USP47: variants seen among roughly 807,000 people sequenced by gnomAD.
USP47 encodes ubiquitin specific peptidase 47, also known as ubiquitin carboxyl-terminal hydrolase 47.
In USP47, 35 loss-of-function variants were observed where a neutral mutation model predicts 165.1. That is an observed-to-expected ratio of 0.21 (90% CI 0.16 to 0.28). The LOEUF is 0.28. Among genes scored for constraint, USP47 ranks in the 10% least tolerant of loss-of-function variants. The pLI is 1.00. For synonymous variants in USP47, 531 were observed against 544.5 expected (o/e 0.98, Z 0.35); for missense variants, 1,277 against 1,607.4 (o/e 0.79, Z 3.52).
chr11:11,853,901 T>C (rs4910427), intron 1 of USP47, among the ~76,000 whole-genome samples: 119,068 of 151,876 alleles, frequency 0.78, 47,409 homozygotes, highest in African/African-American at 0.93. Flanking sequence ...CCGAGATGGG[T>C]GGATCACGAG....
rs1266363202 is a variant in USP47 at position 11,892,826 on chromosome 11, AAAAAAAAAG to A, written c.496+726_496+734del. Among the ~76,000 whole-genome samples the A allele has an allele frequency of 5.5e-3, 799 of 144,198 alleles. 10 individuals carry two copies. The highest frequency in any genetic ancestry group is 0.019 in the African/African-American group (760 of 39,038). 94.6% of individuals were successfully genotyped at this position (144,198 alleles called of 152,430 possible). ...TGAGACCCTGTCTCAAGTAAAAAAAAAAAAAAAAGAAAAAGAAAAAAAAAATTCAAGACT... is the reference window on the plus strand; with the variant it reads ...TGAGACCCTGTCTCAAGTAAAAAAAAAAAAAGAAAAAAAAAATTCAAGACT... On this transcript the variant is annotated intron_variant, in intron 4 of 27. Coordinates refer to ENST00000527733, the MANE Select transcript of USP47 (RefSeq NM_001282659.2).
intron 1 of USP47, among the ~76,000 whole-genome samples, chr11:11,845,633 G>A (rs577308043): frequency 1.3e-5 from 2 of 152,264 alleles, no homozygotes; most frequent in Admixed American, 1.3e-4. Flanking sequence ...TTAAGACAGT[G>A]TCTTTCCTGG....
chr11:11,942,287 G>A (rs760202127), intron 19 of USP47, 48 bp from the exon 20 acceptor site: 1 of 1,505,250 alleles, frequency 6.6e-7, no homozygotes, highest in East Asian at 2.3e-5. Flanking sequence ...TGATGAATGA[G>A]CATGTCACTA....
rs571167920 is a variant in USP47 at position 11,954,814 on chromosome 11, CTGTT to C, written c.3715-79_3715-76del. 5,533 of 1,478,032 alleles carry C rather than the reference CTGTT, an allele frequency of 3.7e-3. 17 individuals are homozygous for C. The highest frequency in any genetic ancestry group is 4.8e-3 in the Non-Finnish European group (5,163 of 1,086,108). The allele number at this position is 1,478,032 out of a possible 1,614,324, so 91.6% of individuals were successfully genotyped here. A position where few individuals can be genotyped will look rare whatever the true frequency, so the allele number is the denominator to read the frequency against. ...AAACATTTTTTAAACTGAGCTATTT[CTGTT>C]TGTGGGGTAAAAGGAAAATAACTTT... is the stretch of plus-strand genomic sequence containing the variant. On this transcript the variant is annotated intron_variant, in intron 25 of 27. Coordinates refer to ENST00000527733, the MANE Select transcript of USP47 (RefSeq NM_001282659.2).
At chr11:11,855,362 C>G (rs1384033738) in intron 1 of USP47, among the ~76,000 whole-genome samples, 1 of 152,158 alleles carries the variant, frequency 6.6e-6, no homozygotes, top group Non-Finnish European at 1.5e-5. Flanking sequence ...TGGTGTAGAA[C>G]TAGTTGACAT....
chr11:11,895,427 A>G (rs537265773), intron 4 of USP47, among the ~76,000 whole-genome samples: 1 of 152,340 alleles, frequency 6.6e-6, no homozygotes, highest in South Asian at 2.1e-4. Flanking sequence ...AAATTATTGT[A>G]TCAGATAAAA....
chr11:11,842,786 C>T (rs1381585549), intron 1 of USP47, among the ~76,000 whole-genome samples: 1 of 147,074 alleles, frequency 6.8e-6, no homozygotes, highest in African/African-American at 2.5e-5. Flanking sequence ...GTACATGGGA[C>T]ATTAATGTAA....
chr11:11,960,870 C>G lies in USP47; in HGVS notation c.*4695C>G, dbSNP rs1263242952. ...GAATACCTAATGCCTTTTTTCTCTT[C>G]CTGTCTTTGTCCCTCACACTACAGC... On this transcript the variant is annotated 3_prime_UTR_variant, in exon 28 of 28. Transcript: ENST00000527733. 6.6e-6 allele frequency among the ~76,000 whole-genome samples: 1 copy of G among 152,052 alleles called. No homozygotes were observed. Among genetic ancestry groups the G allele is most frequent in the African/African-American group, 2.4e-5 (1 of 41,398 alleles).
At chr11:11,952,714 T>C (rs2134887523) in intron 24 of USP47, 27 bp from the exon 25 acceptor site, 1 of 1,560,786 alleles carries the variant, frequency 6.4e-7, no homozygotes, top group Non-Finnish European at 8.7e-7. Flanking sequence ...GGAAATAGAA[T>C]GATGACCTAA....
intron 20 of USP47, among the ~76,000 whole-genome samples, chr11:11,946,326 A>G (rs1855836346): frequency 3.9e-5 from 6 of 152,236 alleles, no homozygotes; most frequent in Admixed American, 3.9e-4. Flanking sequence ...ATCAAATTCC[A>G]GAACCAGTTG....
At chr11:11,929,981 A>G (rs776352161) in intron 12 of USP47, 63 bp from the exon 13 acceptor site, 21 of 1,277,612 alleles carry the variant, frequency 1.6e-5, no homozygotes, top group Non-Finnish European at 2.4e-5. Flanking sequence ...ATTGAGTTAC[A>G]TATTGACGTT....
chr11:11,912,269 A>G (rs1430199420), intron 8 of USP47, among the ~76,000 whole-genome samples: 1 of 152,054 alleles, frequency 6.6e-6, no homozygotes, highest in African/African-American at 2.4e-5. Context: ...GAGGAAGTCA[A>G]CAAAACAAAG....
Position 11,929,550 on chromosome 11 carries a change from T to A in USP47, c.1503T>A (p.Asp501Glu). Residue 501 changes from aspartate to glutamate, a missense_variant, in exon 12 of 28, where the codon GAT becomes GAA. Transcript: ENST00000527733. ...ATGAGCAGTGGTACAGCTTCAATGA[T>A]CAACATGTCAGCAGGGTAAGGAGGT... Reference protein sequence around the residue: ...FSDEQWYSFNDQHVSRITQED... With the variant: ...FSDEQWYSFNEQHVSRITQED... The A allele has an allele frequency of 6.2e-7, 1 of 1,613,042 alleles. No individual in the cohort carries two copies. Among genetic ancestry groups the A allele is most frequent in the Non-Finnish European group, 8.5e-7 (1 of 1,179,260 alleles).
At chr11:11,850,541 G>A (rs1393522417) in intron 1 of USP47, among the ~76,000 whole-genome samples, 1 of 140,654 alleles carries the variant, frequency 7.1e-6, no homozygotes, top group Non-Finnish European at 1.6e-5. Flanking sequence ...TGTTTGCTTT[G>A]GTCTTTATCT....
chr11:11,884,575 C>A lies in USP47; in HGVS notation c.352C>A (p.Leu118Met). ...TDKDGEQPQI[L>M]LEDSSAGEDS... is the part of the protein sequence containing the mutation. The stretch of plus-strand genomic sequence containing the variant: ...TAAAGATGGTGAACAACCTCAAATA[C>A]TGCTGGTAAGCTACTTAGAAAGCCC... The change falls in exon 3 of 28, where the codon CTG becomes ATG. Residue 118 changes from leucine (L) to methionine (M), a missense_variant. By Grantham distance (15) the Leu-to-Met change is conservative. This residue lies in a region of USP47 where 181 missense variants were observed against 194.7 expected (regional missense o/e 0.93). Coordinates refer to ENST00000527733, the MANE Select transcript of USP47 (RefSeq NM_001282659.2). 6.2e-7 allele frequency: 1 copy of A among 1,603,300 alleles called. No individual in the cohort carries two copies. Among genetic ancestry groups the A allele is most frequent in the South Asian group, 1.1e-5 (1 of 88,406 alleles).
intron 24 of USP47, chr11:11,952,156 A>G (rs1856266192): frequency 6.6e-6 from 1 of 152,260 alleles, no homozygotes; most frequent in African/African-American, 2.4e-5. Context: ...GAAGAAACAG[A>G]ACTGCAAACC....
intron 1 of USP47, among the ~76,000 whole-genome samples, chr11:11,849,651 G>A (rs936518117): frequency 1.3e-5 from 2 of 152,220 alleles, no homozygotes; most frequent in Admixed American, 1.3e-4. Flanking sequence ...ACTTGTTAAA[G>A]CTAGAACTTT....
intron 10 of USP47, 64 bp from the exon 11 acceptor site, chr11:11,922,660 A>G: frequency 7.2e-7 from 1 of 1,385,440 alleles, no homozygotes; most frequent in Non-Finnish European, 9.7e-7. Context: ...TATAGGTACA[A>G]AGTTTTGTTG....
chr11:11,955,923 CAT>C (rs1856533767), intron 27 of USP47, 76 bp from the exon 28 acceptor site: 2 of 1,125,786 alleles, frequency 1.8e-6, no homozygotes, highest in Non-Finnish European at 2.5e-6. Flanking sequence ...TGCTGAGGAG[CAT>C]CATAGCATTC....
Sources: gnomAD v4.1 joint callset for allele counts (sites outside exome capture counted in the v4.1 genomes callset) on GRCh38, gnomAD v4.1.1 for gene constraint, gnomAD v4.1.1 regional missense constraint, MANE v1.5 for transcripts, NCBI Gene and HGNC (gene_info 2026-07-23, HGNC 2026-07-21) for gene names.